The following MAGI1 variants were observed in gnomAD, a reference collection of about 807,000 sequenced individuals.
MAGI1 encodes the protein membrane-associated guanylate kinase, WW and PDZ domain-containing protein 1.
Under a neutral mutation model 139.9 loss-of-function variants are expected in MAGI1, and 58 were observed. The observed-to-expected ratio is 0.41, with a 90% CI of 0.34 to 0.52. The LOEUF is 0.52. Ranked by LOEUF, MAGI1 falls within the 20% of genes least tolerant of loss-of-function variation. The pLI, the probability that MAGI1 is intolerant of heterozygous loss-of-function variation, is 0.12. For missense variants in MAGI1, 1,874 were observed against 1,901.6 expected, an observed-to-expected ratio of 0.99 and a Z score of 0.27; for synonymous variants, 812 against 737.9, an observed-to-expected ratio of 1.10 and a Z score of -1.63.
rs72030632 is a variant in MAGI1, at chr3:65,425,108, T to TAAAAAAA, written c.2167+4405_2167+4411dup. Reference sequence around the variant, plus strand: ...AAAAAAAACCTACCAGTAGAACTTCTAAAAAAAAAAAAAAAAAAAAAAAAC... The same window carrying TAAAAAAA: ...AAAAAAAACCTACCAGTAGAACTTCTAAAAAAAAAAAAAAAAAAAAAAAAAAAAAAAC... On this transcript the variant is annotated intron_variant, in intron 12 of 22. Coordinates refer to ENST00000402939, the MANE Select transcript of MAGI1 (RefSeq NM_001033057.2). 1.7e-4 allele frequency among the ~76,000 whole-genome samples: 11 copies of TAAAAAAA among 66,556 alleles called. 1 individual carries two copies. The highest frequency in any genetic ancestry group is 2.4e-4 in the African/African-American group (4 of 16,444). 43.7% of individuals were successfully genotyped at this position (66,556 alleles called of 152,430 possible). A position where few individuals can be genotyped will look rare whatever the true frequency, so the allele number is the denominator to read the frequency against.
chr3:65,787,167 C>T (rs184117338), intron 1 of MAGI1, among the ~76,000 whole-genome samples: 74 of 152,186 alleles, frequency 4.9e-4, no homozygotes, highest in African/African-American at 1.4e-3. Flanking sequence ...TTACTCTAAG[C>T]TCAGTCACAA....
At chr3:65,429,122 A>T (rs1168815894) in intron 12 of MAGI1, among the ~76,000 whole-genome samples, 1 of 151,842 alleles carries the variant, frequency 6.6e-6, no homozygotes, top group Admixed American at 6.6e-5. Flanking sequence ...ATTATTTTTT[A>T]TATATATATA....
At chr3:65,917,124 T>C (rs2061946175) in intron 1 of MAGI1, among the ~76,000 whole-genome samples, 1 of 152,192 alleles carries the variant, frequency 6.6e-6, no homozygotes, top group Non-Finnish European at 1.5e-5. Context: ...TCTAGAAAGA[T>C]ACATATTATA....
At chr3:65,915,280 T>C (rs994541528) in intron 1 of MAGI1, among the ~76,000 whole-genome samples, 5 of 152,216 alleles carry the variant, frequency 3.3e-5, no homozygotes, top group African/African-American at 1.2e-4. Flanking sequence ...ATATTTAGCA[T>C]TAATTCTGTT....
intron 1 of MAGI1, among the ~76,000 whole-genome samples, chr3:65,835,949 A>T (rs1043920272): frequency 6.6e-6 from 1 of 152,174 alleles, no homozygotes; most frequent in Non-Finnish European, 1.5e-5. Flanking sequence ...TATGGTAGAT[A>T]AGAGATGAGA....
intron 1 of MAGI1, among the ~76,000 whole-genome samples, chr3:66,025,137 C>T (rs1462657045): frequency 6.6e-6 from 1 of 152,196 alleles, no homozygotes; most frequent in Non-Finnish European, 1.5e-5. Flanking sequence ...ACTGAAAACA[C>T]TCTAAATGTT....
intron 1 of MAGI1, among the ~76,000 whole-genome samples, chr3:65,992,724 C>T (rs1272400568): frequency 5.3e-5 from 8 of 152,188 alleles, no homozygotes; most frequent in Non-Finnish European, 5.9e-5. Flanking sequence ...ATACCACCAA[C>T]GCCTTCCAGA....
chr3:65,625,030 G>A lies in MAGI1; in HGVS notation c.314-2942C>T, dbSNP rs1035308801. Among the ~76,000 whole-genome samples, 8 of 152,064 alleles carry A rather than the reference G, an allele frequency of 5.3e-5. 1 individual carries two copies. The highest frequency in any genetic ancestry group is 1.9e-4 in the African/African-American group (8 of 41,462). Reference sequence around the variant, plus strand: ...AGGGATTACAGGCATCTTCCACCACGCGCAGCGAGTTTTCATATTTATAGT... The same window carrying A: ...AGGGATTACAGGCATCTTCCACCACACGCAGCGAGTTTTCATATTTATAGT... On this transcript the variant is annotated intron_variant, in intron 1 of 22. Coordinates refer to ENST00000402939, the MANE Select transcript of MAGI1 (RefSeq NM_001033057.2).
At chr3:65,610,223 G>A (rs2082976799) in intron 2 of MAGI1, among the ~76,000 whole-genome samples, 2 of 152,084 alleles carry the variant, frequency 1.3e-5, no homozygotes, top group Admixed American at 1.3e-4. Flanking sequence ...AGCAATGCAA[G>A]ACACTGAATG....
chr3:66,037,019 T>A (rs975732972), intron 1 of MAGI1, among the ~76,000 whole-genome samples: 1 of 152,142 alleles, frequency 6.6e-6, no homozygotes, highest in Admixed American at 6.6e-5. Flanking sequence ...TCCTCAGGAA[T>A]CAGCCCCTTC....
intron 1 of MAGI1, among the ~76,000 whole-genome samples, chr3:65,826,820 CTCTT>C (rs556543247): frequency 3.3e-5 from 5 of 152,236 alleles, no homozygotes; most frequent in East Asian, 3.9e-4. Flanking sequence ...TCAAATAGTT[CTCTT>C]TCTAACAATT....
intron 2 of MAGI1, among the ~76,000 whole-genome samples, chr3:65,600,677 C>T (rs1473265594): frequency 1.3e-5 from 2 of 152,340 alleles, no homozygotes; most frequent in African/African-American, 4.8e-5. Flanking sequence ...GCTGCAGTGC[C>T]TTGAGAGCAC....
chr3:65,628,501 C>T (rs576118701), intron 1 of MAGI1, among the ~76,000 whole-genome samples: 1 of 152,216 alleles, frequency 6.6e-6, no homozygotes, highest in East Asian at 1.9e-4. Flanking sequence ...AAGCTGCCCA[C>T]CGGAGAAGCT....
chr3:66,031,300 T>A (rs578017958), intron 1 of MAGI1, among the ~76,000 whole-genome samples: 1 of 152,312 alleles, frequency 6.6e-6, no homozygotes, highest in South Asian at 2.1e-4. Context: ...GTGCTTTGCA[T>A]TAAATAACCC....
chr3:65,744,617 T>C (rs1237338007), intron 1 of MAGI1, among the ~76,000 whole-genome samples: 1 of 152,124 alleles, frequency 6.6e-6, no homozygotes, highest in Non-Finnish European at 1.5e-5. Context: ...ACTGATTTTA[T>C]AGAAGATATA....
intron 1 of MAGI1, among the ~76,000 whole-genome samples, chr3:65,926,360 T>TCTCC (rs1413484489): frequency 4.6e-5 from 7 of 150,870 alleles, no homozygotes; most frequent in African/African-American, 1.7e-4. Flanking sequence ...TCTCTCTCTC[T>TCTCC]CTCTCTCTCC....
At chr3:65,663,085 T>C (rs773132273) in intron 1 of MAGI1, among the ~76,000 whole-genome samples, 2 of 152,158 alleles carry the variant, frequency 1.3e-5, no homozygotes, top group Non-Finnish European at 2.9e-5. Flanking sequence ...ATGTCCACGA[T>C]GTTTTATTTC....
chr3:65,913,738 C>G (rs2108685549), intron 1 of MAGI1, among the ~76,000 whole-genome samples: 1 of 152,220 alleles, frequency 6.6e-6, no homozygotes, highest in Non-Finnish European at 1.5e-5. Flanking sequence ...CCACAGAAAA[C>G]AAACTGAAAA....
Position 65,542,360 on chromosome 3 carries a change from A to G in MAGI1, c.431-48729T>C, listed in dbSNP as rs144624197. ...CCATACTTTTCAAAGTAAGTTTTAG[A>G]TTCAATGCTATCCCCATCAAGCTAC... On this transcript the variant is annotated intron_variant, in intron 2 of 22. Transcript: ENST00000402939. Among the ~76,000 whole-genome samples, 343 of 152,316 alleles carry G rather than the reference A, an allele frequency of 2.3e-3. 1 individual carries two copies. The highest frequency in any genetic ancestry group is 7.6e-3 in the African/African-American group (315 of 41,568).
Sources: gnomAD v4.1 joint callset for allele counts (sites outside exome capture counted in the v4.1 genomes callset) on GRCh38, gnomAD v4.1.1 for gene constraint, MANE v1.5 for transcripts, NCBI Gene and HGNC (gene_info 2026-07-23, HGNC 2026-07-21) for gene names.